Variants in TMEM229B observed in about 807,000 individuals in gnomAD.
TMEM229B encodes the protein transmembrane protein 229B.
A neutral mutation model predicts 13.7 loss-of-function variants in TMEM229B; 6 were observed. The observed-to-expected ratio is 0.44, with a 90% CI of 0.24 to 0.86. The LOEUF is 0.86. Among genes scored for constraint, TMEM229B ranks in the 40% least tolerant of loss-of-function variants. The pLI, the probability that TMEM229B is intolerant of heterozygous loss-of-function variation, is 0.23. For synonymous variants in TMEM229B, 107 were observed against 102.1 expected, an observed-to-expected ratio of 1.05 and a Z score of -0.29; for missense variants, 170 against 236.0, an observed-to-expected ratio of 0.72 and a Z score of 1.83.
chr14:67,502,249 T>A (rs1451214180), intron 1 of TMEM229B, among the ~76,000 whole-genome samples: 1 of 151,504 alleles, frequency 6.6e-6, no homozygotes, highest in East Asian at 2.0e-4. Context: ...GAGAATCACT[T>A]GAACCTGGGA....
At chr14:67,530,732 C>T (rs1203437926) in intron 1 of TMEM229B, among the ~76,000 whole-genome samples, 2 of 152,240 alleles carry the variant, frequency 1.3e-5, no homozygotes, top group Middle Eastern at 6.8e-3. Context: ...AGATTATTTG[C>T]CCTTGCATGA....
intron 1 of TMEM229B, among the ~76,000 whole-genome samples, chr14:67,505,373 C>A (rs1022735011): frequency 3.9e-5 from 6 of 152,178 alleles, no homozygotes; most frequent in Admixed American, 6.6e-5. Flanking sequence ...TCCCCTGCAA[C>A]TGGGAGGACA....
At chr14:67,498,739 C>T (rs897594793) in intron 1 of TMEM229B, among the ~76,000 whole-genome samples, 20 of 152,134 alleles carry the variant, frequency 1.3e-4, no homozygotes, top group Admixed American at 2.6e-4. Context: ...GATCTCGGCT[C>T]ACCGCAGCCT....
chr14:67,525,593 T>A (rs2033354803), intron 1 of TMEM229B, among the ~76,000 whole-genome samples: 1 of 152,216 alleles, frequency 6.6e-6, no homozygotes, highest in Admixed American at 6.5e-5. Context: ...CAACATGCCA[T>A]GTCAGCGAAA....
upstream of TMEM229B, among the ~76,000 whole-genome samples, chr14:67,491,865 C>T (rs2032183082): frequency 6.6e-6 from 1 of 152,182 alleles, no homozygotes; most frequent in Non-Finnish European, 1.5e-5. Flanking sequence ...TGTCCAGCTC[C>T]CCCAGGAAGC....
upstream of TMEM229B, among the ~76,000 whole-genome samples, chr14:67,519,108 G>A (rs1049918956): frequency 6.6e-6 from 1 of 152,156 alleles, no homozygotes; most frequent in Non-Finnish European, 1.5e-5. Context: ...AAGGTAATAT[G>A]CCAGCATTTG....
intron 1 of TMEM229B, among the ~76,000 whole-genome samples, chr14:67,513,306 C>G (rs1290931011): frequency 6.6e-6 from 1 of 152,194 alleles, no homozygotes; most frequent in Non-Finnish European, 1.5e-5. Flanking sequence ...TCCTGCCTGC[C>G]TGTTAGAATG....
chr14:67,474,640 C>G (rs2031055349), intron 2 of TMEM229B, among the ~76,000 whole-genome samples: 1 of 152,220 alleles, frequency 6.6e-6, no homozygotes, highest in Admixed American at 6.5e-5. Context: ...TGTTGTGCAA[C>G]TGTCACCACC....
rs1288988326 is a variant in TMEM229B at position 67,528,387 on chromosome 14, GTC to G, written c.-192+5247_-192+5248del. Among the ~76,000 whole-genome samples the G allele has an allele frequency of 3.3e-5, 5 of 152,112 alleles. No individual in the cohort carries two copies. The East Asian group carries it at 7.7e-4, about 23-fold the overall frequency. On this transcript the variant is annotated intron_variant, in intron 1 of 2. Coordinates refer to the TMEM229B transcript ENST00000554278. ...GTTTCCTTGGCTTCTTGGAGCCCTA[GTC>G]TCTCCCCACACAGGCTCCCTGGGCT... is the stretch of plus-strand genomic sequence containing the variant.
intron 1 of TMEM229B, among the ~76,000 whole-genome samples, chr14:67,530,496 T>G (rs977671265): frequency 6.6e-6 from 1 of 152,202 alleles, no homozygotes; most frequent in Non-Finnish European, 1.5e-5. Context: ...CATTCCAGCC[T>G]AAACCATGTA....
chr14:67,505,706 TG>T (rs33915778), intron 1 of TMEM229B, among the ~76,000 whole-genome samples: 28,259 of 151,206 alleles, frequency 0.19, 2,797 homozygotes, highest in Non-Finnish European at 0.21. Context: ...GAGGATAATT[TG>T]CTCTTTTTTT....
chr14:67,494,509 A>C (rs2032289630), intron 1 of TMEM229B, among the ~76,000 whole-genome samples: 3 of 152,212 alleles, frequency 2.0e-5, no homozygotes, highest in Admixed American at 2.0e-4. Context: ...AAATCCAGGC[A>C]CAGGAAGGGC....
chr14:67,519,196 A>T (rs370587440), upstream of TMEM229B, among the ~76,000 whole-genome samples: 1 of 152,170 alleles, frequency 6.6e-6, no homozygotes. Flanking sequence ...AGGAGTGTAA[A>T]CTCAGATCAC....
In TMEM229B at chr14:67,513,740, G is replaced by A. The variant is rs559496126; in HGVS notation, c.-192+1346C>T. Among the ~76,000 whole-genome samples the A allele has an allele frequency of 1.4e-4, 22 of 152,286 alleles. No homozygotes were observed. In the South Asian group the frequency reaches 4.6e-3, roughly 32 times the overall value. ...CTCCACCAGTCTAGGGCCCTCCAGT[G>A]CCTTCTGTCTCACAGGGAAGCAGAT... is the stretch of plus-strand genomic sequence containing the variant. On this transcript the variant is annotated intron_variant, in intron 1 of 2. Transcript: ENST00000357461.
chr14:67,475,340 G>T (rs1164345697), intron 2 of TMEM229B, among the ~76,000 whole-genome samples: 2 of 152,178 alleles, frequency 1.3e-5, no homozygotes, highest in Admixed American at 6.5e-5. Flanking sequence ...AAATAAGGCT[G>T]CTATGAACAC....
At chr14:67,524,279 C>A (rs2033334427) in intron 1 of TMEM229B, among the ~76,000 whole-genome samples, 2 of 152,110 alleles carry the variant, frequency 1.3e-5, no homozygotes, top group Admixed American at 1.3e-4. Context: ...CATCCAAACT[C>A]ATGTTCTAGG....
At chr14:67,486,504 A>G (rs1042999872) in intron 2 of TMEM229B, among the ~76,000 whole-genome samples, 3 of 152,116 alleles carry the variant, frequency 2.0e-5, no homozygotes, top group African/African-American at 7.2e-5. Flanking sequence ...CAATCTGTTG[A>G]CCTTGCGATC....
intron 2 of TMEM229B, among the ~76,000 whole-genome samples, chr14:67,485,343 G>T (rs550761723): frequency 1.2e-4 from 19 of 152,274 alleles, no homozygotes; most frequent in African/African-American, 4.6e-4. Context: ...CACTTCCTGA[G>T]AAACTCTCCA....
intron 1 of TMEM229B, among the ~76,000 whole-genome samples, chr14:67,502,267 G>T (rs1163203637): frequency 1.3e-5 from 2 of 151,690 alleles, no homozygotes; most frequent in Admixed American, 6.6e-5. Flanking sequence ...GGAGGTGGAG[G>T]TTGCAGTGAG....
Sources: gnomAD v4.1 joint callset for allele counts (sites outside exome capture counted in the v4.1 genomes callset) on GRCh38, gnomAD v4.1.1 for gene constraint, MANE v1.5 for transcripts, NCBI Gene and HGNC (gene_info 2026-07-23, HGNC 2026-07-21) for gene names.